SEMA5B: variants seen among roughly 807,000 people sequenced by gnomAD.
SEMA5B encodes semaphorin-5B.
SEMA5B carries 66 observed loss-of-function variants against 135.0 expected under a neutral mutation model. The ratio of observed to expected loss-of-function variants is 0.49; its 90% CI spans 0.40 to 0.60. The LOEUF (loss-of-function observed/expected upper bound fraction) is 0.60, where lower values mean the gene tolerates loss of function less well. Ranked by LOEUF, SEMA5B falls within the 20% of genes least tolerant of loss-of-function variation. The pLI, the probability that SEMA5B is intolerant of heterozygous loss-of-function variation, is 0.00. For missense variants in SEMA5B, 1,501 were observed against 1,566.3 expected (o/e 0.96, Z 0.70); for synonymous variants, 690 against 639.5 (o/e 1.08, Z -1.19).
intron 1 of SEMA5B, among the ~76,000 whole-genome samples, chr3:123,015,150 C>T (rs1391515113): frequency 2.0e-5 from 3 of 152,212 alleles, no homozygotes; most frequent in African/African-American, 7.2e-5. Context: ...GCTCTGCCCA[C>T]ACCTTGATCT....
Position 122,912,830 on chromosome 3 carries a change from C to T in SEMA5B, c.2725+13G>A, listed in dbSNP as rs1245393483. On this transcript the variant is annotated intron_variant, in intron 18 of 22. Transcript: ENST00000357599. Reference sequence around the variant, plus strand: ...GTTTCGCTAGGCCAAGGATTCCTTCCGTGCAGGGTTACCTGGGCAAGCCTG... The same window carrying T: ...GTTTCGCTAGGCCAAGGATTCCTTCTGTGCAGGGTTACCTGGGCAAGCCTG... The T allele has an allele frequency of 1.9e-6, 3 of 1,541,500 alleles. No homozygotes were observed. The highest frequency in any genetic ancestry group is 2.8e-5 in the African/African-American group (2 of 71,666).
intron 12 of SEMA5B, 35 bp downstream of exon 12, chr3:122,921,880 G>A (rs1267447375): frequency 6.6e-7 from 1 of 1,508,934 alleles, no homozygotes; most frequent in East Asian, 2.5e-5. Flanking sequence ...CTCCTCCGCA[G>A]TGGAGGCCTC....
Position 122,911,783 on chromosome 3 carries a change from G to A in SEMA5B, c.3046+137C>T, listed in dbSNP as rs560774915. ...GAGGCAAATATGGGAGTTTTCTTTCGGCATCTCCTTCCCCCCACTTCCATG... is the reference window on the plus strand; with the variant it reads ...GAGGCAAATATGGGAGTTTTCTTTCAGCATCTCCTTCCCCCCACTTCCATG... On this transcript the variant is annotated intron_variant, in intron 20 of 22. Transcript: ENST00000357599. 3.6e-5 allele frequency: 43 copies of A among 1,207,818 alleles called. No individual in the cohort carries two copies. In the East Asian group the frequency reaches 9.5e-4, roughly 27 times the overall value. 74.8% of individuals were successfully genotyped at this position (1,207,818 alleles called of 1,614,324 possible).
intron 1 of SEMA5B, among the ~76,000 whole-genome samples, chr3:122,978,251 C>T (rs796849464): frequency 5.7e-4 from 87 of 152,338 alleles, no homozygotes; most frequent in African/African-American, 2.1e-3. Flanking sequence ...GGTGGGTGGA[C>T]GTGCTCGGCC....
chr3:122,996,399 G>A (rs1942024121), intron 1 of SEMA5B, among the ~76,000 whole-genome samples: 1 of 152,208 alleles, frequency 6.6e-6, no homozygotes. Context: ...CTGGATTGTC[G>A]CAGGCTCCCT....
chr3:122,917,713 G>A (rs1938140002), intron 12 of SEMA5B, among the ~76,000 whole-genome samples: 1 of 152,002 alleles, frequency 6.6e-6, no homozygotes, highest in African/African-American at 2.4e-5. Flanking sequence ...GCACACTGTG[G>A]CCCACCCAGG....
At chr3:122,912,139 C>A (rs749783379) in intron 19 of SEMA5B, 33 bp downstream of exon 19, 4 of 1,581,038 alleles carry the variant, frequency 2.5e-6, no homozygotes, top group East Asian at 4.5e-5. Flanking sequence ...GGCTCCATGT[C>A]GCTTCCCAGC....
At chr3:123,013,879 C>T (rs746957364) in intron 1 of SEMA5B, among the ~76,000 whole-genome samples, 3 of 152,224 alleles carry the variant, frequency 2.0e-5, no homozygotes, top group Non-Finnish European at 2.9e-5. Context: ...TGCTGCTCAT[C>T]GATCTGGGAG....
chr3:122,972,635 C>G (rs567719495), intron 1 of SEMA5B, among the ~76,000 whole-genome samples: 3 of 152,222 alleles, frequency 2.0e-5, no homozygotes, highest in African/African-American at 7.2e-5. Context: ...GAGACCCCCA[C>G]CTGAGTCGGT....
chr3:122,916,921 A>C (rs551235152), intron 12 of SEMA5B, among the ~76,000 whole-genome samples: 2 of 152,330 alleles, frequency 1.3e-5, no homozygotes, highest in African/African-American at 4.8e-5. Context: ...ACACTGATGC[A>C]TGCCCCAAAT....
At chr3:123,025,773 C>G (rs1359078484) in intron 1 of SEMA5B, among the ~76,000 whole-genome samples, 1 of 152,200 alleles carries the variant, frequency 6.6e-6, no homozygotes, top group Non-Finnish European at 1.5e-5. Flanking sequence ...TCTCACCGCC[C>G]CATGAGTGAC....
At chr3:122,918,993 C>CTTTTTTTTTTTT (rs63373262) in intron 12 of SEMA5B, among the ~76,000 whole-genome samples, 2 of 80,362 alleles carry the variant, frequency 2.5e-5, no homozygotes, top group Non-Finnish European at 5.2e-5. Flanking sequence ...ATCACCATGT[C>CTTTTTTTTTTTT]TTTTTTTTTT....
chr3:122,937,578 C>A (rs1373804253), intron 5 of SEMA5B, among the ~76,000 whole-genome samples: 2 of 152,166 alleles, frequency 1.3e-5, no homozygotes, highest in Admixed American at 1.3e-4. Context: ...GGTGGTCAAC[C>A]AGTTCCTGGT....
chr3:122,959,031 A>T (rs1940463271), intron 2 of SEMA5B, among the ~76,000 whole-genome samples: 1 of 152,226 alleles, frequency 6.6e-6, no homozygotes, highest in African/African-American at 2.4e-5. Context: ...CACAGATTAC[A>T]TGGTTCAGCA....
At chr3:123,003,831 T>C (rs1352931725) in intron 1 of SEMA5B, among the ~76,000 whole-genome samples, 1 of 86,312 alleles carries the variant, frequency 1.2e-5, no homozygotes, top group East Asian at 4.7e-4. Flanking sequence ...GAGACTCTTA[T>C]CTCAATAAAT....
Position 122,922,049 on chromosome 3 carries a change from G to A in SEMA5B, c.1554C>T (p.His518=). 6.7e-7 allele frequency: 1 copy of A among 1,495,398 alleles called. No individual in the cohort carries two copies. Among genetic ancestry groups the A allele is most frequent in the South Asian group, 1.3e-5 (1 of 74,256 alleles). 92.6% of individuals were successfully genotyped at this position (1,495,398 alleles called of 1,614,324 possible). A position where few individuals can be genotyped will look rare whatever the true frequency, so the allele number is the denominator to read the frequency against. ...GCTCGCGGCGCCCGGGGGGCAGCAC[G>A]TGCAGCTCCTCCAGGTAGCAGCCGT... ...SLHGCYLEEL[H]VLPPGRREPL... Residue 518 remains histidine (H), a synonymous_variant, in exon 12 of 23, where the codon CAC becomes CAT. Coordinates refer to ENST00000357599, the MANE Select transcript of SEMA5B (RefSeq NM_001031702.4).
intron 1 of SEMA5B, among the ~76,000 whole-genome samples, chr3:122,989,186 C>T (rs1941793420): frequency 6.6e-6 from 1 of 152,214 alleles, no homozygotes; most frequent in African/African-American, 2.4e-5. Flanking sequence ...AATCCCTAAA[C>T]TTATGAGAAG....
At chr3:122,971,603 T>C (rs1284333680) in intron 1 of SEMA5B, among the ~76,000 whole-genome samples, 1 of 152,262 alleles carries the variant, frequency 6.6e-6, no homozygotes, top group Non-Finnish European at 1.5e-5. Context: ...TACCTCTGGA[T>C]CCTCAGCCCG....
chr3:122,991,898 G>T (rs923434638), intron 1 of SEMA5B, among the ~76,000 whole-genome samples: 1 of 152,122 alleles, frequency 6.6e-6, no homozygotes, highest in African/African-American at 2.4e-5. Context: ...AAACATGATC[G>T]CAGGCATGTT....
Sources: gnomAD v4.1 joint callset for allele counts (sites outside exome capture counted in the v4.1 genomes callset) on GRCh38, gnomAD v4.1.1 for gene constraint, MANE v1.5 for transcripts, NCBI Gene and HGNC (gene_info 2026-07-23, HGNC 2026-07-21) for gene names.